Variants in RSPO3 observed in about 807,000 individuals in gnomAD.
The protein encoded by RSPO3 is R-spondin 3, also known as R-spondin-3.
A neutral mutation model predicts 36.5 loss-of-function variants in RSPO3; 17 were observed. The observed-to-expected ratio is 0.47, with a 90% confidence interval of 0.32 to 0.70. The LOEUF is 0.70. RSPO3 is among the 30% of genes least tolerant of loss of function. The pLI is 0.04. For synonymous variants in RSPO3, 108 were observed against 107.0 expected (o/e 1.01, Z -0.06); for missense variants, 294 against 322.5 (o/e 0.91, Z 0.68).
At position 127,148,631 on chromosome 6, in the gene RSPO3, T is replaced by G. The variant is rs139715950; in HGVS notation, c.98-17T>G. 6.3e-7 allele frequency: 1 copy of G among 1,593,680 alleles called. No individual in the cohort carries two copies. The highest frequency in any genetic ancestry group is 8.6e-7 in the Non-Finnish European group (1 of 1,166,602). ...TGATTTAACCTTTGTAATGTCTTTC[T>G]ACATTTGTCTCCACAGTGCATCCTA... On this transcript the variant is annotated splice_polypyrimidine_tract_variant and intron_variant, in intron 1 of 4. Coordinates refer to ENST00000356698, the MANE Select transcript of RSPO3 (RefSeq NM_032784.5).
intron 3 of RSPO3, among the ~76,000 whole-genome samples, chr6:127,151,416 G>A (rs1774488991): frequency 1.3e-5 from 2 of 152,054 alleles, no homozygotes; most frequent in South Asian, 4.2e-4. Flanking sequence ...GAACCAAATG[G>A]TAAAATAGCC....
chr6:127,155,970 G>A (rs950935291), intron 4 of RSPO3, among the ~76,000 whole-genome samples: 33 of 151,590 alleles, frequency 2.2e-4, no homozygotes, highest in Non-Finnish European at 2.1e-4. Flanking sequence ...TGGTGCCATC[G>A]CAGTTCACTG....
rs146210513 is a variant in RSPO3, at chr6:127,119,560, G to T, written c.97+271G>T. ...CCCCATGGTAACTTCAGGTTCGCGG[G>T]AAAGTTCGGTCCTGGGTTAGACTCG... is the stretch of plus-strand genomic sequence containing the variant. On this transcript the variant is annotated intron_variant, in intron 1 of 4. Transcript: ENST00000356698. Among the ~76,000 whole-genome samples the T allele has an allele frequency of 5.4e-4, 83 of 152,366 alleles. 2 individuals carry two copies. The East Asian group carries it at 0.012, about 22-fold the overall frequency.
intron 4 of RSPO3, among the ~76,000 whole-genome samples, chr6:127,173,989 G>A (rs537828064): frequency 2.0e-5 from 3 of 151,950 alleles, no homozygotes; most frequent in South Asian, 4.1e-4. Context: ...CACAGAGGGC[G>A]TTAAGCTATT....
intron 1 of RSPO3, among the ~76,000 whole-genome samples, chr6:127,123,415 TGTATTCTTTGATACGTC>T (rs1200438510): frequency 1.3e-5 from 2 of 152,122 alleles, no homozygotes; most frequent in African/African-American, 4.8e-5. Context: ...CTGAAGAAAG[TGTATTCTTTGATACGTC>T]GTGTAACAGC....
chr6:127,158,553 A>G (rs1184872139), intron 4 of RSPO3, among the ~76,000 whole-genome samples: 2 of 152,192 alleles, frequency 1.3e-5, no homozygotes, highest in Non-Finnish European at 2.9e-5. Flanking sequence ...GATAAGATCC[A>G]GAAATGACTT....
chr6:127,141,652 C>A (rs1774272513), intron 1 of RSPO3, among the ~76,000 whole-genome samples: 1 of 152,156 alleles, frequency 6.6e-6, no homozygotes, highest in Non-Finnish European at 1.5e-5. Flanking sequence ...ACATTCCTCT[C>A]TGAGACTCTT....
intron 4 of RSPO3, among the ~76,000 whole-genome samples, chr6:127,160,145 T>C (rs149325118): frequency 6.6e-6 from 1 of 152,298 alleles, no homozygotes; most frequent in African/African-American, 2.4e-5. Context: ...AGGTCGTAAA[T>C]GGTCAAATGT....
intron 4 of RSPO3, among the ~76,000 whole-genome samples, chr6:127,173,156 C>T (rs564923707): frequency 3.3e-5 from 5 of 151,824 alleles, no homozygotes; most frequent in African/African-American, 1.2e-4. Context: ...CTCTTTTTAC[C>T]ACCAAATCTG....
intron 1 of RSPO3, among the ~76,000 whole-genome samples, chr6:127,135,678 G>C (rs1774141893): frequency 6.6e-6 from 1 of 152,030 alleles, no homozygotes; most frequent in African/African-American, 2.4e-5. Context: ...GGTAATCCCA[G>C]CATTTTGGGA....
rs868666443 is a variant in RSPO3, at chr6:127,135,429, A to T, written c.98-13219A>T. ...AGTGAGAATCCATAAAAAAAAAAAA[A>T]AAAAAAAAAAAATTTACAACTATTG... On this transcript the variant is annotated intron_variant, in intron 1 of 4. Coordinates refer to ENST00000356698, the MANE Select transcript of RSPO3 (RefSeq NM_032784.5). Among the ~76,000 whole-genome samples, 37 of 151,896 alleles carry T rather than the reference A, an allele frequency of 2.4e-4. No homozygotes were observed. The South Asian group carries it at 3.1e-3, about 13-fold the overall frequency.
intron 4 of RSPO3, among the ~76,000 whole-genome samples, chr6:127,170,336 G>A (rs1774910787): frequency 6.6e-6 from 1 of 151,524 alleles, no homozygotes; most frequent in South Asian, 2.1e-4. Context: ...CTTATTGTTG[G>A]CAAAGATGTG....
In RSPO3 at chr6:127,193,063, T is replaced by TA. The variant is rs556726844; in HGVS notation, c.635-2753dup. On this transcript the variant is annotated intron_variant, in intron 4 of 4. Coordinates refer to ENST00000356698, the MANE Select transcript of RSPO3 (RefSeq NM_032784.5). ...TTTCCAACCACTAACACATGGCCTG[T>TA]AAAAAAATAACAACCTCATTCTTCT... Among the ~76,000 whole-genome samples, 52 of 152,108 alleles carry TA rather than the reference T, an allele frequency of 3.4e-4. 1 individual carries two copies. Among genetic ancestry groups the TA allele is most frequent in the Non-Finnish European group, 7.4e-5 (5 of 68,016 alleles).
Position 127,128,366 on chromosome 6 carries a change from A to ACTCCACCCTTGAACAAATAAAACTATCTT in RSPO3, c.97+9098_97+9126dup, listed in dbSNP as rs545781751. 3.7e-3 allele frequency among the ~76,000 whole-genome samples: 565 copies of ACTCCACCCTTGAACAAATAAAACTATCTT among 152,094 alleles called. 5 individuals carry two copies. Among genetic ancestry groups the ACTCCACCCTTGAACAAATAAAACTATCTT allele is most frequent in the Middle Eastern group, 6.8e-3 (2 of 294 alleles). On this transcript the variant is annotated intron_variant, in intron 1 of 4. Transcript: ENST00000356698. ...TCTTTAAAAAGATACTAATGCCCAG[A>ACTCCACCCTTGAACAAATAAAACTATCTT]CTCCACCCTTGAACAAATAAAACTA...
chr6:127,186,046 ATTCT>A (rs1430764965), intron 4 of RSPO3, among the ~76,000 whole-genome samples: 1 of 152,124 alleles, frequency 6.6e-6, no homozygotes, highest in Non-Finnish European at 1.5e-5. Context: ...CCCAGAGAAT[ATTCT>A]TTCTTTGGAA....
intron 4 of RSPO3, among the ~76,000 whole-genome samples, chr6:127,180,612 T>C (rs536592939): frequency 6.7e-6 from 1 of 149,794 alleles, no homozygotes; most frequent in Non-Finnish European, 1.5e-5. Flanking sequence ...TTGAGAGATA[T>C]GCAAGAAGTA....
At chr6:127,153,706 T>G (rs1465958497) in intron 3 of RSPO3, among the ~76,000 whole-genome samples, 2 of 152,152 alleles carry the variant, frequency 1.3e-5, no homozygotes, top group Non-Finnish European at 2.9e-5. Context: ...CAGATCATTT[T>G]TTCTAATTCA....
At chr6:127,161,999 A>G (rs1440182200) in intron 4 of RSPO3, among the ~76,000 whole-genome samples, 1 of 152,176 alleles carries the variant, frequency 6.6e-6, no homozygotes, top group African/African-American at 2.4e-5. Context: ...CCTACTGGGC[A>G]ATTTTGATCT....
intron 4 of RSPO3, among the ~76,000 whole-genome samples, chr6:127,173,182 T>C (rs1774976790): frequency 1.3e-5 from 2 of 151,998 alleles, no homozygotes; most frequent in East Asian, 3.9e-4. Context: ...TCTTTCTGTT[T>C]ACAACCATTT....
Sources: gnomAD v4.1 joint callset for allele counts (sites outside exome capture counted in the v4.1 genomes callset) on GRCh38, gnomAD v4.1.1 for gene constraint, MANE v1.5 for transcripts, NCBI Gene and HGNC (gene_info 2026-07-23, HGNC 2026-07-21) for gene names.